DTNB: variants seen among roughly 807,000 people sequenced by gnomAD.
The protein encoded by DTNB is DTN-B.
A neutral mutation model predicts 90.7 loss-of-function variants in DTNB; 63 were observed. The observed-to-expected ratio is 0.69, with a 90% CI of 0.57 to 0.86. DTNB has a LOEUF of 0.86. Ranked by LOEUF, DTNB falls within the 40% of genes least tolerant of loss-of-function variation. DTNB has a pLI of 0.00. For missense variants in DTNB, 744 were observed against 807.1 expected, an observed-to-expected ratio of 0.92 and a Z score of 0.95; for synonymous variants, 277 against 286.7, an observed-to-expected ratio of 0.97 and a Z score of 0.34.
intron 8 of DTNB, among the ~76,000 whole-genome samples, chr2:25,549,101 T>C (rs1183254992): frequency 2.0e-5 from 3 of 152,084 alleles, no homozygotes; most frequent in Admixed American, 6.5e-5. Flanking sequence ...TTGTTAACTG[T>C]ATCCTCTAAC....
chr2:25,422,395 CTTTTTTTTTTTTT>C (rs146697158), intron 15 of DTNB, among the ~76,000 whole-genome samples: 4 of 82,920 alleles, frequency 4.8e-5, no homozygotes, highest in African/African-American at 1.5e-4. Context: ...CTTTTCTCTT[CTTTTTTTTTTTTT>C]TTTTTTTTTT....
At chr2:25,510,832 T>C (rs2073789099) in intron 9 of DTNB, among the ~76,000 whole-genome samples, 1 of 152,150 alleles carries the variant, frequency 6.6e-6, no homozygotes, top group South Asian at 2.1e-4. Flanking sequence ...CAAAGAGAAT[T>C]TATGTTTGCT....
At chr2:25,550,367 G>A (rs1055512552) in intron 8 of DTNB, among the ~76,000 whole-genome samples, 19 of 151,970 alleles carry the variant, frequency 1.3e-4, no homozygotes. Context: ...CTCCAGCCTG[G>A]GTGAAAGAGC....
At chr2:25,627,665 T>C (rs961336503) in intron 4 of DTNB, among the ~76,000 whole-genome samples, 5 of 151,910 alleles carry the variant, frequency 3.3e-5, no homozygotes, top group Non-Finnish European at 5.9e-5. Flanking sequence ...CAGAGTTTAA[T>C]ATATGACATA....
intron 8 of DTNB, among the ~76,000 whole-genome samples, chr2:25,533,182 C>G (rs1281866956): frequency 6.6e-6 from 1 of 152,002 alleles, no homozygotes. Flanking sequence ...AAAAAATTAG[C>G]TGGTGCGGTG....
intron 4 of DTNB, among the ~76,000 whole-genome samples, chr2:25,627,950 A>G (rs1319618878): frequency 6.6e-6 from 1 of 151,886 alleles, no homozygotes; most frequent in Admixed American, 6.6e-5. Context: ...GTTAGCCGGG[A>G]TGGTCTCCAT....
At chr2:25,559,601 T>C (rs1417861672) in intron 8 of DTNB, among the ~76,000 whole-genome samples, 1 of 152,242 alleles carries the variant, frequency 6.6e-6, no homozygotes, top group Non-Finnish European at 1.5e-5. Flanking sequence ...ATCTTTCCAA[T>C]GCACTGATCG....
intron 9 of DTNB, chr2:25,497,775 G>C (rs2069311031): frequency 6.6e-6 from 1 of 152,138 alleles, no homozygotes. Flanking sequence ...ATTTCATGTA[G>C]TCAATAGCTC....
At chr2:25,594,011 G>A (rs1171416921) in intron 6 of DTNB, among the ~76,000 whole-genome samples, 1 of 152,178 alleles carries the variant, frequency 6.6e-6, no homozygotes, top group Non-Finnish European at 1.5e-5. Context: ...AGAGTATTGT[G>A]TGGGCCACCA....
At chr2:25,533,264 T>C (rs1015434242) in intron 8 of DTNB, among the ~76,000 whole-genome samples, 4 of 152,174 alleles carry the variant, frequency 2.6e-5, no homozygotes, top group African/African-American at 9.7e-5. Flanking sequence ...CCGACGAGGC[T>C]GCAGTGAGCT....
chr2:25,432,806 A>AC, intron 14 of DTNB, 80 bp downstream of exon 14: 3 of 1,387,128 alleles, frequency 2.2e-6, no homozygotes, highest in Non-Finnish European at 3.0e-6. Flanking sequence ...AACAGATTCT[A>AC]CCCCACTCCT....
At chr2:25,540,115 T>C (rs2080859742) in intron 8 of DTNB, among the ~76,000 whole-genome samples, 1 of 152,222 alleles carries the variant, frequency 6.6e-6, no homozygotes, top group Non-Finnish European at 1.5e-5. Context: ...TAGGGTTGTG[T>C]TCACTATCTT....
intron 14 of DTNB, among the ~76,000 whole-genome samples, chr2:25,432,092 T>C (rs1558498863): frequency 6.6e-6 from 1 of 152,078 alleles, no homozygotes; most frequent in Non-Finnish European, 1.5e-5. Context: ...TCCTAGATGA[T>C]AGCAAATTAA....
rs913510626 is a variant in DTNB, at chr2:25,631,796, T to C, written c.149-3412A>G. Reference sequence around the variant, plus strand: ...AAAGTACAGATACAGACAATTAAACTTCACAACTAACAAAGTAGGCATAAT... The same window carrying C: ...AAAGTACAGATACAGACAATTAAACCTCACAACTAACAAAGTAGGCATAAT... On this transcript the variant is annotated intron_variant, in intron 3 of 20. Coordinates refer to ENST00000406818, the MANE Select transcript of DTNB (RefSeq NM_021907.5). 3.3e-5 allele frequency among the ~76,000 whole-genome samples: 5 copies of C among 152,110 alleles called. No individual in the cohort carries two copies. In the East Asian group the frequency reaches 9.6e-4, roughly 29 times the overall value.
intron 2 of DTNB, among the ~76,000 whole-genome samples, chr2:25,647,823 C>T (rs2079851949): frequency 6.7e-6 from 1 of 150,012 alleles, no homozygotes; most frequent in Admixed American, 6.6e-5. Context: ...AATATCAGAA[C>T]ACTTGGGATG....
At chr2:25,602,755 GA>G (rs1056370876) in intron 5 of DTNB, among the ~76,000 whole-genome samples, 10 of 152,100 alleles carry the variant, frequency 6.6e-5, no homozygotes, top group Admixed American at 4.6e-4. Context: ...AGAACCCAGA[GA>G]AAAACCCCTG....
At chr2:25,538,411 T>C (rs749785495) in intron 8 of DTNB, among the ~76,000 whole-genome samples, 1 of 152,090 alleles carries the variant, frequency 6.6e-6, no homozygotes, top group Non-Finnish European at 1.5e-5. Context: ...TCTCTAAATC[T>C]ACATATATAT....
chr2:25,464,667 A>G (rs542542545), intron 10 of DTNB, among the ~76,000 whole-genome samples: 1 of 152,318 alleles, frequency 6.6e-6, no homozygotes, highest in African/African-American at 2.4e-5. Context: ...AACCTTGTCA[A>G]TGATGCTTTG....
intron 1 of DTNB, among the ~76,000 whole-genome samples, chr2:25,666,569 A>T (rs1489143726): frequency 6.6e-6 from 1 of 152,228 alleles, no homozygotes; most frequent in South Asian, 2.1e-4. Context: ...GGCTAATTAA[A>T]TCTTCTAGAA....
Sources: allele counts gnomAD v4.1 joint callset (sites outside exome capture counted in the v4.1 genomes callset), GRCh38; gene constraint gnomAD v4.1.1; transcripts MANE v1.5; gene names NCBI Gene and HGNC (gene_info 2026-07-23, HGNC 2026-07-21).